The following APBA1 variants were observed in gnomAD, a reference collection of about 807,000 sequenced individuals.
APBA1 encodes the protein amyloid-beta A4 precursor protein-binding family A member 1.
APBA1 carries 55 observed loss-of-function variants against 86.6 expected under a neutral mutation model. The observed-to-expected ratio is 0.64, with a 90% CI of 0.51 to 0.80. The LOEUF is 0.80. APBA1 is among the 30% of genes least tolerant of loss of function. The pLI is 0.00. For synonymous variants in APBA1, 511 were observed against 493.9 expected (o/e 1.03, Z -0.46); for missense variants, 1,090 against 1,183.0 (o/e 0.92, Z 1.15).
chr9:69,461,084 C>A, intron 5 of APBA1: 1 of 152,136 alleles, frequency 6.6e-6, no homozygotes, highest in South Asian at 2.1e-4. Context: ...GTAATACCAT[C>A]TTTAAATCAC....
intron 1 of APBA1, among the ~76,000 whole-genome samples, chr9:69,625,468 G>A (rs960943214): frequency 2.5e-4 from 38 of 152,132 alleles, no homozygotes; most frequent in African/African-American, 9.2e-4. Flanking sequence ...GAGCATTGCA[G>A]CATCCCTTGT....
At chr9:69,487,259 G>A (rs1835626777) in intron 2 of APBA1, among the ~76,000 whole-genome samples, 1 of 151,956 alleles carries the variant, frequency 6.6e-6, no homozygotes, top group African/African-American at 2.4e-5. Flanking sequence ...AGTTCTATGT[G>A]GGCCATTCAT....
rs920206269 is a variant in APBA1, at chr9:69,545,077, T to C, written c.-69-27798A>G. Among the ~76,000 whole-genome samples the C allele has an allele frequency of 5.3e-5, 8 of 152,358 alleles. No individual in the cohort carries two copies. The East Asian group carries it at 1.5e-3, about 29-fold the overall frequency. On this transcript the variant is annotated intron_variant, in intron 1 of 12. Transcript: ENST00000265381. ...CTAGGGGTAGACCCCTCACCCAGAATAGGTCATAGTTTTCTACAGAAATTT... is the reference window on the plus strand; with the variant it reads ...CTAGGGGTAGACCCCTCACCCAGAACAGGTCATAGTTTTCTACAGAAATTT...
At chr9:69,623,376 T>C (rs1822865193) in intron 1 of APBA1, among the ~76,000 whole-genome samples, 1 of 151,950 alleles carries the variant, frequency 6.6e-6, no homozygotes, top group South Asian at 2.1e-4. Context: ...TTTTAAAGAC[T>C]TGCTCTCTGT....
intron 1 of APBA1, among the ~76,000 whole-genome samples, chr9:69,550,868 T>A (rs1029754940): frequency 6.6e-6 from 1 of 152,160 alleles, no homozygotes; most frequent in African/African-American, 2.4e-5. Flanking sequence ...CTACCATGTG[T>A]AAGTAATTTA....
intron 1 of APBA1, among the ~76,000 whole-genome samples, chr9:69,523,477 G>GTATATATATATA (rs1163577400): frequency 2.1e-4 from 17 of 80,618 alleles, no homozygotes; most frequent in Admixed American, 2.8e-4. Context: ...ATATATATAT[G>GTATATATATATA]TATATATATA....
intron 1 of APBA1, among the ~76,000 whole-genome samples, chr9:69,598,685 C>T (rs1822284792): frequency 6.6e-6 from 1 of 151,998 alleles, no homozygotes; most frequent in South Asian, 2.1e-4. Context: ...TGCCTAAGGG[C>T]CTACAAGAGG....
At chr9:69,629,494 A>G (rs1303740885) in intron 1 of APBA1, among the ~76,000 whole-genome samples, 1 of 152,232 alleles carries the variant, frequency 6.6e-6, no homozygotes, top group South Asian at 2.1e-4. Flanking sequence ...AACAAGTTGC[A>G]TAAGATGAAG....
At chr9:69,658,805 GA>G (rs1823694919) in intron 1 of APBA1, among the ~76,000 whole-genome samples, 1 of 152,018 alleles carries the variant, frequency 6.6e-6, no homozygotes, top group Non-Finnish European at 1.5e-5. Flanking sequence ...TCAAGAGCCA[GA>G]AATACCTGAG....
At chr9:69,611,501 GA>G (rs1395717555) in intron 1 of APBA1, among the ~76,000 whole-genome samples, 2 of 151,966 alleles carry the variant, frequency 1.3e-5, no homozygotes, top group African/African-American at 4.8e-5. Flanking sequence ...ATTTGAAACT[GA>G]AAAAAGGGGG....
At position 69,658,316 on chromosome 9, in the gene APBA1, T is replaced by TTCTCTCTCTTTCTCTCTCTCTC. The variant is rs1564105098; in HGVS notation, c.-70+13836_-70+13837insGAGAGAGAGAGAAAGAGAGAGA. On this transcript the variant is annotated intron_variant, in intron 1 of 12. Coordinates refer to ENST00000265381, the MANE Select transcript of APBA1 (RefSeq NM_001163.4). The stretch of plus-strand genomic sequence containing the variant: ...TCTTTCTCTCTCTCTCTTTCTTTCT[T>TTCTCTCTCTTTCTCTCTCTCTC]TCTTTCTTTCTTTCTTTCTTTCTTT... Among the ~76,000 whole-genome samples, 192 of 82,904 alleles carry TTCTCTCTCTTTCTCTCTCTCTC rather than the reference T, an allele frequency of 2.3e-3. 9 individuals are homozygous for TTCTCTCTCTTTCTCTCTCTCTC. Among genetic ancestry groups the TTCTCTCTCTTTCTCTCTCTCTC allele is most frequent in the Non-Finnish European group, 2.8e-3 (107 of 37,908 alleles). 54.4% of individuals were successfully genotyped at this position (82,904 alleles called of 152,430 possible).
chr9:69,554,823 A>T (rs1461680026), intron 1 of APBA1, among the ~76,000 whole-genome samples: 2 of 152,178 alleles, frequency 1.3e-5, no homozygotes, highest in African/African-American at 4.8e-5. Flanking sequence ...ATGTCCTCAG[A>T]TTCCAAAGAT....
intron 1 of APBA1, among the ~76,000 whole-genome samples, chr9:69,598,296 C>T (rs1315627341): frequency 5.2e-5 from 7 of 135,126 alleles, no homozygotes; most frequent in South Asian, 2.6e-4. Flanking sequence ...GGTGGGGGCA[C>T]GGGGGAGGGA....
intron 1 of APBA1, among the ~76,000 whole-genome samples, chr9:69,603,724 G>C (rs968744842): frequency 6.6e-6 from 1 of 152,232 alleles, no homozygotes; most frequent in East Asian, 1.9e-4. Context: ...TGGGTAACTA[G>C]AATAACCTTA....
chr9:69,439,790 G>T (rs1052243725), intron 11 of APBA1, among the ~76,000 whole-genome samples: 2 of 152,156 alleles, frequency 1.3e-5, no homozygotes, highest in Non-Finnish European at 2.9e-5. Flanking sequence ...ACTCGTCAAA[G>T]TCATTCTCCA....
At chr9:69,553,269 ATGTG>A (rs1448932989) in intron 1 of APBA1, among the ~76,000 whole-genome samples, 11 of 152,138 alleles carry the variant, frequency 7.2e-5, no homozygotes, top group Non-Finnish European at 2.9e-5. Flanking sequence ...AATTTGATGA[ATGTG>A]TGTATGTGTG....
At chr9:69,515,691 G>T (rs1012362386) in intron 2 of APBA1, among the ~76,000 whole-genome samples, 10 of 6,466 alleles carry the variant, frequency 1.5e-3, no homozygotes, top group Non-Finnish European at 3.5e-3. Flanking sequence ...ATCAGAAACT[G>T]GGGGGGGGGG....
chr9:69,458,318 G>T, intron 5 of APBA1, 130 bp from the exon 6 acceptor site: 1 of 702,114 alleles, frequency 1.4e-6, no homozygotes, highest in Non-Finnish European at 2.2e-6. Flanking sequence ...AGGAGGACTG[G>T]CTTTTAAAAA....
chr9:69,574,474 A>T (rs1029587066), intron 1 of APBA1, among the ~76,000 whole-genome samples: 6 of 152,182 alleles, frequency 3.9e-5, no homozygotes, highest in Non-Finnish European at 1.5e-5. Flanking sequence ...CATTAAAAAA[A>T]ATCCTCTCTA....
Sources: gnomAD v4.1 joint callset for allele counts (sites outside exome capture counted in the v4.1 genomes callset) on GRCh38, gnomAD v4.1.1 for gene constraint, MANE v1.5 for transcripts, NCBI Gene and HGNC (gene_info 2026-07-23, HGNC 2026-07-21) for gene names.